Variants in MTHFD2L observed in about 807,000 individuals in gnomAD.
The protein encoded by MTHFD2L is methylenetetrahydrofolate dehydrogenase (NADP+ dependent) 2 like.
Under a neutral mutation model 34.9 loss-of-function variants are expected in MTHFD2L, and 29 were observed. That is an observed-to-expected ratio of 0.83 (90% CI 0.62 to 1.13). The LOEUF (loss-of-function observed/expected upper bound fraction) is 1.13. Ranked by LOEUF, MTHFD2L falls within the 50% of genes most tolerant of loss-of-function variation. The pLI is 0.00. For synonymous variants in MTHFD2L, 167 were observed against 155.7 expected, an observed-to-expected ratio of 1.07 and a Z score of -0.54; for missense variants, 481 against 446.5, an observed-to-expected ratio of 1.08 and a Z score of -0.70.
At chr4:74,192,819 G>A (rs867739340) in intron 3 of MTHFD2L, among the ~76,000 whole-genome samples, 2 of 151,704 alleles carry the variant, frequency 1.3e-5, no homozygotes, top group African/African-American at 4.8e-5. Flanking sequence ...AACTTTGAGT[G>A]CTTTTTTTTA....
chr4:74,287,549 C>T (rs1748339088), intron 7 of MTHFD2L, among the ~76,000 whole-genome samples: 1 of 151,866 alleles, frequency 6.6e-6, no homozygotes, highest in Non-Finnish European at 1.5e-5. Context: ...GAGTTCAGGA[C>T]CAGTCTGGCC....
intron 3 of MTHFD2L, among the ~76,000 whole-genome samples, chr4:74,186,109 C>T (rs1297013276): frequency 3.3e-5 from 5 of 151,894 alleles, no homozygotes; most frequent in Admixed American, 6.6e-5. Context: ...ACCATATTAA[C>T]AAGCTAAAAA....
At chr4:74,283,004 G>GC (rs11402344) in intron 7 of MTHFD2L, among the ~76,000 whole-genome samples, 49,508 of 151,956 alleles carry the variant, frequency 0.33, 10,105 homozygotes, top group African/African-American at 0.59. Context: ...TTAAAACCTG[G>GC]CTTATTTATT....
chr4:74,163,191 A>G (rs774460863), intron 1 of MTHFD2L, among the ~76,000 whole-genome samples: 7 of 152,210 alleles, frequency 4.6e-5, no homozygotes, highest in Non-Finnish European at 8.8e-5. Flanking sequence ...AGATACCACA[A>G]AACATCATCT....
At chr4:74,298,915 C>T (rs374274823) in intron 7 of MTHFD2L, among the ~76,000 whole-genome samples, 1 of 151,834 alleles carries the variant, frequency 6.6e-6, no homozygotes, top group East Asian at 1.9e-4. Context: ...AATGTCTGTA[C>T]ATATAGGAGA....
At chr4:74,281,281 A>G (rs1747430186) in intron 6 of MTHFD2L, 144 bp from the exon 7 acceptor site, 3 of 763,510 alleles carry the variant, frequency 3.9e-6, no homozygotes, top group African/African-American at 1.9e-5. Context: ...CGGATCAGAA[A>G]TCATCAATGG....
intron 7 of MTHFD2L, among the ~76,000 whole-genome samples, chr4:74,292,297 T>G (rs1337959084): frequency 2.0e-5 from 3 of 152,216 alleles, no homozygotes; most frequent in Admixed American, 6.5e-5. Context: ...AGAGTTAAAG[T>G]TGAAACAAAA....
chr4:74,271,115 G>A (rs996114442), intron 6 of MTHFD2L, among the ~76,000 whole-genome samples: 1 of 152,140 alleles, frequency 6.6e-6, no homozygotes, highest in Non-Finnish European at 1.5e-5. Context: ...CTCCCATTCT[G>A]TAGGTTGCCT....
At chr4:74,205,202 T>G (rs567981909) in intron 5 of MTHFD2L, among the ~76,000 whole-genome samples, 1 of 152,296 alleles carries the variant, frequency 6.6e-6, no homozygotes, top group African/African-American at 2.4e-5. Flanking sequence ...AATGAATCAT[T>G]GAGAGCTGCT....
chr4:74,181,750 A>G (rs1021274694), intron 3 of MTHFD2L: 9 of 152,202 alleles, frequency 5.9e-5, no homozygotes, highest in African/African-American at 2.2e-4. Context: ...TGGACAAAGA[A>G]ATGAGAATGA....
intron 1 of MTHFD2L, among the ~76,000 whole-genome samples, chr4:74,159,360 G>T (rs1204454108): frequency 6.6e-6 from 1 of 152,162 alleles, no homozygotes; most frequent in African/African-American, 2.4e-5. Flanking sequence ...CTACCAGCTA[G>T]ATCTACTACC....
intron 3 of MTHFD2L, among the ~76,000 whole-genome samples, chr4:74,190,275 T>A (rs510884): frequency 6.6e-6 from 1 of 152,056 alleles, no homozygotes. Flanking sequence ...TTAACATTGC[T>A]TACAAGAACA....
chr4:74,164,577 A>G (rs1428534864), intron 1 of MTHFD2L, among the ~76,000 whole-genome samples: 1 of 152,246 alleles, frequency 6.6e-6, no homozygotes, highest in Admixed American at 6.5e-5. Flanking sequence ...AGAAAGAGCC[A>G]CTTTTGCAAA....
chr4:74,152,312 T>A (rs984745125), intron 1 of MTHFD2L, among the ~76,000 whole-genome samples: 3 of 152,140 alleles, frequency 2.0e-5, no homozygotes, highest in African/African-American at 7.2e-5. Flanking sequence ...AGCTTTATAG[T>A]TGTATTTGAT....
chr4:74,270,578 CATTT>C (rs1362538049), intron 6 of MTHFD2L, among the ~76,000 whole-genome samples: 1 of 152,168 alleles, frequency 6.6e-6, no homozygotes, highest in African/African-American at 2.4e-5. Flanking sequence ...CATTAATGGA[CATTT>C]GGGTTGGTTC....
chr4:74,265,318 C>T (rs1206318752), intron 6 of MTHFD2L, among the ~76,000 whole-genome samples: 1 of 152,164 alleles, frequency 6.6e-6, no homozygotes, highest in Non-Finnish European at 1.5e-5. Flanking sequence ...CTGCTCCACA[C>T]GTGTCTCATC....
At chr4:74,160,111 C>T (rs1327157494) in intron 1 of MTHFD2L, 1 of 1,287,998 alleles carries the variant, frequency 7.8e-7, no homozygotes, top group East Asian at 5.6e-5. Context: ...TGCCTCCCCA[C>T]TTGTCCCCAT....
intron 2 of MTHFD2L, among the ~76,000 whole-genome samples, chr4:74,117,354 TTCAGC>T (rs1047234065): frequency 6.6e-5 from 10 of 152,188 alleles, no homozygotes; most frequent in African/African-American, 2.4e-4. Flanking sequence ...GGGATTCAGA[TTCAGC>T]TACTATTGTT....
At chr4:74,262,039 G>T (rs191041348) in intron 6 of MTHFD2L, among the ~76,000 whole-genome samples, 2 of 131,244 alleles carry the variant, frequency 1.5e-5, no homozygotes, top group East Asian at 4.1e-4. Flanking sequence ...TAAAGCATAG[G>T]CATAAGAAAA....
Sources: gnomAD v4.1 joint callset for allele counts (sites outside exome capture counted in the v4.1 genomes callset) on GRCh38, gnomAD v4.1.1 for gene constraint, MANE v1.5 for transcripts, NCBI Gene and HGNC (gene_info 2026-07-23, HGNC 2026-07-21) for gene names.